The following GARIN2 variants were observed in gnomAD, a reference collection of about 807,000 sequenced individuals.
GARIN2 encodes the protein golgi associated RAB2 interactor family member 2.
At chr14:67,203,351 G>T in the GARIN2 span, 1 of 1,392,478 alleles carries the variant, frequency 7.2e-7, no homozygotes, top group Non-Finnish European at 9.7e-7. Flanking sequence ...TAGCCCTGTG[G>T]ATCTGAAAAC....
the GARIN2 span, among the ~76,000 whole-genome samples, chr14:67,225,473 G>A: frequency 6.6e-6 from 1 of 152,210 alleles, no homozygotes; most frequent in Non-Finnish European, 1.5e-5. Context: ...CAGGGAGGAG[G>A]AGAGAGGGCT....
chr14:67,192,881 T>TATCTATATATATATAGATATATATAG, the GARIN2 span, among the ~76,000 whole-genome samples: 1 of 146,608 alleles, frequency 6.8e-6, no homozygotes, highest in Admixed American at 6.9e-5. Flanking sequence ...TATATAGATA[T>TATCTATATATATATAGATATATATAG]ATATCTAGAT....
At chr14:67,207,572 A>G in the GARIN2 span, among the ~76,000 whole-genome samples, 1 of 152,150 alleles carries the variant, frequency 6.6e-6, no homozygotes, top group Non-Finnish European at 1.5e-5. Context: ...TGGACTAGGC[A>G]GGGGCAGTGG....
At chr14:67,210,739 A>G in the GARIN2 span, among the ~76,000 whole-genome samples, 1 of 152,042 alleles carries the variant, frequency 6.6e-6, no homozygotes, top group Non-Finnish European at 1.5e-5. Flanking sequence ...GCCACAGGTC[A>G]TGATGGCTCA....
chr14:67,224,772 T>C, the GARIN2 span: 1 of 248,986 alleles, frequency 4.0e-6, no homozygotes, highest in Non-Finnish European at 7.8e-6. Flanking sequence ...CTTCCTACCC[T>C]TACCCATCTT....
At chr14:67,217,147 T>G in the GARIN2 span, among the ~76,000 whole-genome samples, 1 of 151,130 alleles carries the variant, frequency 6.6e-6, no homozygotes, top group African/African-American at 2.4e-5. Flanking sequence ...CGTTTATAAC[T>G]ATAGAATGAC....
chr14:67,198,763 T>C, the GARIN2 span, among the ~76,000 whole-genome samples: 1 of 152,236 alleles, frequency 6.6e-6, no homozygotes, highest in Non-Finnish European at 1.5e-5. Context: ...CTCATAAGAA[T>C]GTCCCTACAT....
the GARIN2 span, chr14:67,208,406 A>T: frequency 6.2e-7 from 1 of 1,614,018 alleles, no homozygotes; most frequent in Non-Finnish European, 8.5e-7. Flanking sequence ...TGAAGAAAAG[A>T]TGCCTGATTT....
the GARIN2 span, among the ~76,000 whole-genome samples, chr14:67,209,812 C>A: frequency 1.5e-5 from 2 of 130,956 alleles, no homozygotes. Context: ...AGCAAGACTC[C>A]ATCTCGGAAA....
At chr14:67,198,190 T>C in the GARIN2 span, 2 of 1,613,728 alleles carry the variant, frequency 1.2e-6, no homozygotes, top group East Asian at 2.2e-5. Flanking sequence ...AAGACTACCA[T>C]GAGGATCAAT....
chr14:67,221,677 G>C, the GARIN2 span: 1 of 1,536,134 alleles, frequency 6.5e-7, no homozygotes, highest in Non-Finnish European at 8.8e-7. Context: ...ACTACCCACA[G>C]AGCATTTAAA....
At chr14:67,209,461 T>C in the GARIN2 span, among the ~76,000 whole-genome samples, 1 of 152,188 alleles carries the variant, frequency 6.6e-6, no homozygotes, top group South Asian at 2.1e-4. Context: ...ATTACAAATC[T>C]CTGCCAAATA....
the GARIN2 span, chr14:67,204,809 T>TCA: frequency 1.2e-6 from 2 of 1,613,944 alleles, no homozygotes. Flanking sequence ...GTCACCACGT[T>TCA]CACAGCCATC....
chr14:67,199,283 A>C, the GARIN2 span: 1 of 1,594,572 alleles, frequency 6.3e-7, no homozygotes. Context: ...TAAGATCATG[A>C]ACATGATCAG....
At chr14:67,214,811 T>G in the GARIN2 span, among the ~76,000 whole-genome samples, 1 of 152,208 alleles carries the variant, frequency 6.6e-6, no homozygotes, top group African/African-American at 2.4e-5. Flanking sequence ...TGGAATGTTC[T>G]TCCATTTATT....
the GARIN2 span, among the ~76,000 whole-genome samples, chr14:67,225,926 A>AGTGTGTGTGTGT: frequency 0.049 from 6,670 of 136,540 alleles, 249 homozygotes; most frequent in Admixed American, 0.066. Context: ...TAATGCTGTG[A>AGTGTGTGTGTGT]GTGTGTGTGT....
At chr14:67,198,135 GTT>G in the GARIN2 span, 3 of 1,595,364 alleles carry the variant, frequency 1.9e-6, no homozygotes, top group South Asian at 3.4e-5. Flanking sequence ...CATTCCCTCA[GTT>G]TTTTTATGTT....
the GARIN2 span, among the ~76,000 whole-genome samples, chr14:67,210,206 C>G: frequency 6.6e-6 from 1 of 152,198 alleles, no homozygotes; most frequent in African/African-American, 2.4e-5. Flanking sequence ...ATGCTCACAA[C>G]TGGAAAAATG....
At chr14:67,199,713 C>T in the GARIN2 span, 1 of 1,583,350 alleles carries the variant, frequency 6.3e-7, no homozygotes, top group South Asian at 1.1e-5. Flanking sequence ...CCTCCTTCAC[C>T]CTCTGCCCCC....
Sources: allele counts gnomAD v4.1 joint callset (sites outside exome capture counted in the v4.1 genomes callset), GRCh38; gene constraint gnomAD v4.1.1; transcripts MANE v1.5; gene names NCBI Gene and HGNC (gene_info 2026-07-23, HGNC 2026-07-21).